MYO9A: variants seen among roughly 807,000 people sequenced by gnomAD.
MYO9A encodes the protein myosin IXA, also known as unconventional myosin-IXa.
Under a neutral mutation model 293.3 loss-of-function variants are expected in MYO9A, and 103 were observed. The ratio of observed to expected loss-of-function variants is 0.35; its 90% confidence interval spans 0.30 to 0.41. The LOEUF (loss-of-function observed/expected upper bound fraction) is 0.41. MYO9A is among the 10% of genes least tolerant of loss of function. The pLI is 1.00. For synonymous variants in MYO9A, 1,001 were observed against 1,035.7 expected (o/e 0.97, Z 0.64); for missense variants, 2,685 against 3,033.0 (o/e 0.89, Z 2.69).
chr15:71,978,425 T>C (rs1413946081), intron 11 of MYO9A, 133 bp from the exon 12 acceptor site: 1 of 666,070 alleles, frequency 1.5e-6, no homozygotes, highest in Non-Finnish European at 2.3e-6. Context: ...AATGAAAGAA[T>C]GTATAATTTC....
intron 11 of MYO9A, among the ~76,000 whole-genome samples, chr15:71,985,195 C>T (rs1015089809): frequency 2.0e-5 from 3 of 152,164 alleles, no homozygotes; most frequent in Non-Finnish European, 4.4e-5. Flanking sequence ...GCTGGGATTA[C>T]AGACGTGAGC....
chr15:71,883,515 AAT>A, intron 28 of MYO9A, 77 bp downstream of exon 28: 2 of 1,433,152 alleles, frequency 1.4e-6, no homozygotes, highest in Non-Finnish European at 1.9e-6. Flanking sequence ...TGACATTATG[AAT>A]ACTACAGGAA....
intron 1 of MYO9A, among the ~76,000 whole-genome samples, chr15:72,079,747 C>T (rs2079482466): frequency 6.6e-6 from 1 of 151,990 alleles, no homozygotes; most frequent in Non-Finnish European, 1.5e-5. Context: ...TTAATGTTTC[C>T]AATTCGCTAT....
Position 72,046,170 on chromosome 15 carries a change from G to A in MYO9A, c.394C>T (p.Arg132Cys), listed in dbSNP as rs781035511. 5.0e-6 allele frequency: 8 copies of A among 1,613,946 alleles called. No individual in the cohort carries two copies. The highest frequency in any genetic ancestry group is 1.3e-5 in the African/African-American group (1 of 74,874). ...QSWLRVTEER[R>C]RMMERGFLPQ... ...AGAAAACCCCGTTCCATCATCCTGC[G>A]ACGTTCTTCTGTTACCCGTAGCCAT... The change falls in exon 2 of 42, where the codon CGC (arginine) becomes TGC (cysteine). Residue 132 changes from arginine (R) to cysteine (C), a missense_variant. Physicochemically the swap from Arg to Cys is radical, Grantham distance 180. Coordinates refer to ENST00000356056, the MANE Select transcript of MYO9A (RefSeq NM_006901.4).
rs374982755 is a variant in MYO9A at position 71,956,825 on chromosome 15, CTA to C, written c.2182+3074_2182+3075del. On this transcript the variant is annotated intron_variant, in intron 14 of 41. Transcript: ENST00000356056. ...ATGCTATATATATATGCTATATATG[CTA>C]TATATATATACACACACACACACAC... Among the ~76,000 whole-genome samples the C allele has an allele frequency of 6.2e-3, 839 of 135,666 alleles. 10 individuals carry two copies. The highest frequency in any genetic ancestry group is 0.022 in the African/African-American group (781 of 36,082). The allele number at this position is 135,666 out of a possible 152,430, so 89.0% of individuals were successfully genotyped here.
intron 32 of MYO9A, among the ~76,000 whole-genome samples, chr15:71,867,638 T>C (rs2056375062): frequency 6.8e-6 from 1 of 147,254 alleles, no homozygotes; most frequent in Non-Finnish European, 1.5e-5. Flanking sequence ...TAAGAAAAGA[T>C]ACTCAATCTC....
intron 1 of MYO9A, among the ~76,000 whole-genome samples, chr15:72,115,015 TAAAAA>T (rs886782348): frequency 6.6e-6 from 1 of 152,056 alleles, no homozygotes; most frequent in East Asian, 1.9e-4. Flanking sequence ...AGGTACTTGT[TAAAAA>T]AAATCTAAGT....
At chr15:71,977,484 G>A (rs924813324) in intron 12 of MYO9A, among the ~76,000 whole-genome samples, 14 of 152,028 alleles carry the variant, frequency 9.2e-5, no homozygotes, top group Non-Finnish European at 1.5e-4. Flanking sequence ...TGCTCCTCCC[G>A]CCTTGGCATC....
chr15:72,101,305 C>G (rs1278511144), intron 1 of MYO9A, among the ~76,000 whole-genome samples: 3 of 141,776 alleles, frequency 2.1e-5, no homozygotes, highest in Non-Finnish European at 4.7e-5. Flanking sequence ...TTCAGCCCCC[C>G]GCCAGGCCAG....
Position 71,823,906 on chromosome 15 carries a change from T to A in MYO9A, c.*2674A>T, listed in dbSNP as rs982295597. ...TAAGGGCTAACAGTTTCATAAGTGATTGTAATGCGGCATCACTTTGTGGTG... is the reference window on the plus strand; with the variant it reads ...TAAGGGCTAACAGTTTCATAAGTGAATGTAATGCGGCATCACTTTGTGGTG... On this transcript the variant is annotated 3_prime_UTR_variant, in exon 42 of 42. Transcript: ENST00000356056. 6.6e-6 allele frequency: 1 copy of A among 152,240 alleles called. No homozygotes were observed. Among genetic ancestry groups the A allele is most frequent in the African/African-American group, 2.4e-5 (1 of 41,454 alleles). 9.4% of individuals were successfully genotyped at this position (152,240 alleles called of 1,614,324 possible). A position where few individuals can be genotyped will look rare whatever the true frequency, so the allele number is the denominator to read the frequency against.
chr15:72,061,384 C>T (rs2078872881), intron 1 of MYO9A, among the ~76,000 whole-genome samples: 1 of 152,152 alleles, frequency 6.6e-6, no homozygotes, highest in African/African-American at 2.4e-5. Context: ...TAAGCAAACT[C>T]TTAAAGTCCC....
chr15:72,057,459 A>G (rs569654434), intron 1 of MYO9A, among the ~76,000 whole-genome samples: 16 of 152,172 alleles, frequency 1.1e-4, no homozygotes, highest in Non-Finnish European at 2.2e-4. Context: ...CCTTTGAAAA[A>G]CTATTTCTCC....
At position 71,830,414 on chromosome 15, in the gene MYO9A, A is replaced by G. The variant is rs79082104; in HGVS notation, c.6838-103T>C. 2,075 of 1,074,926 alleles carry G rather than the reference A, an allele frequency of 1.9e-3. 24 individuals carry two copies. Among genetic ancestry groups the G allele is most frequent in the East Asian group, 0.019 (743 of 40,120 alleles). The allele number at this position is 1,074,926 out of a possible 1,614,324, so 66.6% of individuals were successfully genotyped here. A position where few individuals can be genotyped will look rare whatever the true frequency, so the allele number is the denominator to read the frequency against. ...GTATTTCCATCACACCAGGTGAATG[A>G]TAAGAATAAATGGAAACACTCTGCG... On this transcript the variant is annotated intron_variant, in intron 39 of 41. Coordinates refer to ENST00000356056, the MANE Select transcript of MYO9A (RefSeq NM_006901.4).
intron 14 of MYO9A, among the ~76,000 whole-genome samples, chr15:71,952,869 T>G (rs2059084379): frequency 6.6e-6 from 1 of 152,146 alleles, no homozygotes; most frequent in Non-Finnish European, 1.5e-5. Flanking sequence ...CAGAATCATT[T>G]TAAAAGTTAA....
chr15:71,909,829 C>T (rs1386812374), intron 19 of MYO9A, among the ~76,000 whole-genome samples: 2 of 151,904 alleles, frequency 1.3e-5, no homozygotes, highest in Non-Finnish European at 2.9e-5. Flanking sequence ...CTTGCAAATG[C>T]TATTGTAGTA....
chr15:71,897,915 A>C lies in MYO9A; in HGVS notation c.4588T>G (p.Phe1530Val), dbSNP rs748757713. The change falls in exon 25 of 42, where the codon TTC becomes GTC. Residue 1530 changes from phenylalanine to valine, a missense_variant. Coordinates refer to ENST00000356056, the MANE Select transcript of MYO9A (RefSeq NM_006901.4). ...TDILEKERKA[F>V]KTIEKPRIGE... ...ATTCTTGGCTTTTCAATTGTCTTGAAGGCTTTGCGCTCCTTCTCTAAAATA... is the reference window on the plus strand; with the variant it reads ...ATTCTTGGCTTTTCAATTGTCTTGACGGCTTTGCGCTCCTTCTCTAAAATA... 6 of 1,614,030 alleles carry C rather than the reference A, an allele frequency of 3.7e-6. No homozygotes were observed. The East Asian group carries it at 1.3e-4, about 36-fold the overall frequency.
At chr15:71,960,212 T>C (rs1354654932) in intron 13 of MYO9A, 116 bp from the exon 14 acceptor site, 3 of 892,558 alleles carry the variant, frequency 3.4e-6, no homozygotes, top group Admixed American at 4.6e-5. Context: ...TGAAATGTGA[T>C]TCCCCCATGG....
At chr15:71,830,540 T>TA (rs1171358929) in intron 39 of MYO9A, among the ~76,000 whole-genome samples, 1 of 152,234 alleles carries the variant, frequency 6.6e-6, no homozygotes, top group Non-Finnish European at 1.5e-5. Flanking sequence ...GGTGGGAGTG[T>TA]AAGAACCCAT....
chr15:72,049,967 A>C (rs1259528543), intron 1 of MYO9A, among the ~76,000 whole-genome samples: 1 of 152,222 alleles, frequency 6.6e-6, no homozygotes, highest in Non-Finnish European at 1.5e-5. Flanking sequence ...TTTTAACAGG[A>C]GTCCTATCTT....
Sources: gnomAD v4.1 joint callset for allele counts (sites outside exome capture counted in the v4.1 genomes callset) on GRCh38, gnomAD v4.1.1 for gene constraint, MANE v1.5 for transcripts, NCBI Gene and HGNC (gene_info 2026-07-23, HGNC 2026-07-21) for gene names.